CNOT9: variants seen among roughly 807,000 people sequenced by gnomAD.
The protein encoded by CNOT9 is RCD1 required for cell differentiation1 homolog.
A neutral mutation model predicts 37.4 loss-of-function variants in CNOT9; 8 were observed. That is an observed-to-expected ratio of 0.21 (90% CI 0.13 to 0.39). The LOEUF (loss-of-function observed/expected upper bound fraction) is 0.39, where lower values mean the gene tolerates loss of function less well. CNOT9 is among the 10% of genes least tolerant of loss of function. The pLI is 1.00. For synonymous variants in CNOT9, 120 were observed against 137.6 expected (o/e 0.87, Z 0.90); for missense variants, 154 against 365.3 (o/e 0.42, Z 4.71).
intron 1 of CNOT9, among the ~76,000 whole-genome samples, chr2:218,569,551 C>T (rs1352757547): frequency 2.0e-5 from 3 of 152,178 alleles, no homozygotes; most frequent in Admixed American, 6.5e-5. Flanking sequence ...ATTCAGCTAT[C>T]CGAAGTAATC....
chr2:218,580,116 C>G (rs1694321376), intron 1 of CNOT9, among the ~76,000 whole-genome samples: 1 of 151,852 alleles, frequency 6.6e-6, no homozygotes, highest in Non-Finnish European at 1.5e-5. Context: ...TTACAGGCGC[C>G]CATCACCACA....
intron 3 of CNOT9, 54 bp from the exon 4 acceptor site, chr2:218,584,558 A>G: frequency 1.5e-6 from 2 of 1,303,664 alleles, no homozygotes; most frequent in South Asian, 2.4e-5. Flanking sequence ...TTGAAAGTTC[A>G]GGATCCTTAG....
intron 4 of CNOT9, among the ~76,000 whole-genome samples, chr2:218,586,006 A>G (rs1361459148): frequency 6.6e-6 from 1 of 152,200 alleles, no homozygotes; most frequent in East Asian, 1.9e-4. Flanking sequence ...TAAATCTTTA[A>G]AAATATATGC....
intron 1 of CNOT9, among the ~76,000 whole-genome samples, chr2:218,578,608 C>T (rs1694253536): frequency 6.6e-6 from 1 of 152,112 alleles, no homozygotes; most frequent in Non-Finnish European, 1.5e-5. Context: ...GAGTTAATTC[C>T]TCTGAACATT....
chr2:218,579,823 T>C (rs1694308778), intron 1 of CNOT9, among the ~76,000 whole-genome samples: 1 of 147,980 alleles, frequency 6.8e-6, no homozygotes, highest in African/African-American at 2.5e-5. Flanking sequence ...TATTTATTTG[T>C]TTGTTTGTTT....
rs1046162470 is a variant in CNOT9, at chr2:218,594,876, T to C, written c.*600T>C. Reference sequence around the variant, plus strand: ...CTGCATAAGCTCAATAAAAAGTTGGTCTGGGCATTACATCCCCTCTGGCAG... The same window carrying C: ...CTGCATAAGCTCAATAAAAAGTTGGCCTGGGCATTACATCCCCTCTGGCAG... On this transcript the variant is annotated 3_prime_UTR_variant, in exon 8 of 8. Transcript: ENST00000273064. 6.6e-6 allele frequency: 1 copy of C among 152,318 alleles called. No homozygotes were observed. The highest frequency in any genetic ancestry group is 1.5e-5 in the Non-Finnish European group (1 of 68,148). 9.4% of individuals were successfully genotyped at this position (152,318 alleles called of 1,614,324 possible).
chr2:218,576,124 T>C (rs1008205308), intron 1 of CNOT9, among the ~76,000 whole-genome samples: 1 of 152,214 alleles, frequency 6.6e-6, no homozygotes, highest in Non-Finnish European at 1.5e-5. Flanking sequence ...GTACCCCTTC[T>C]TCTACTGCCC....
chr2:218,574,901 C>T (rs970241355), intron 1 of CNOT9, among the ~76,000 whole-genome samples: 16 of 151,810 alleles, frequency 1.1e-4, no homozygotes, highest in African/African-American at 3.4e-4. Context: ...TCTATTGAAG[C>T]GTACACTTAA....
At chr2:218,573,807 G>GT (rs1295290312) in intron 1 of CNOT9, 1 of 257,118 alleles carries the variant, frequency 3.9e-6, no homozygotes, top group African/African-American at 2.3e-5. Flanking sequence ...TACCTTATCT[G>GT]TATGTTAAGC....
At chr2:218,579,114 C>G (rs1694278135) in intron 1 of CNOT9, among the ~76,000 whole-genome samples, 1 of 152,026 alleles carries the variant, frequency 6.6e-6, no homozygotes, top group African/African-American at 2.4e-5. Context: ...ATTTTTTTTC[C>G]TCTCAAAAAC....
chr2:218,575,508 C>T (rs1389409550), intron 1 of CNOT9, among the ~76,000 whole-genome samples: 1 of 151,530 alleles, frequency 6.6e-6, no homozygotes, highest in East Asian at 1.9e-4. Context: ...CGGGTTCACG[C>T]CATTCTGCCT....
chr2:218,578,253 GTATTTCAGTC>G (rs1412102969), intron 1 of CNOT9, among the ~76,000 whole-genome samples: 4 of 152,196 alleles, frequency 2.6e-5, no homozygotes, highest in African/African-American at 9.6e-5. Context: ...AAGCTGCATT[GTATTTCAGTC>G]TATTTAGCAG....
At position 218,594,284 on chromosome 2, in the gene CNOT9, C is replaced by T; in HGVS notation, c.*8C>T. On this transcript the variant is annotated 3_prime_UTR_variant, in exon 8 of 8. Coordinates refer to ENST00000273064, the MANE Select transcript of CNOT9 (RefSeq NM_005444.3). ...CCCCTGCCCCCTCAGTGATCCTTCCCTGTTCCCTCCCACTACTCCCCCAAG... is the reference window on the plus strand; with the variant it reads ...CCCCTGCCCCCTCAGTGATCCTTCCTTGTTCCCTCCCACTACTCCCCCAAG... The T allele has an allele frequency of 1.3e-6, 2 of 1,599,114 alleles. No individual in the cohort carries two copies. The highest frequency in any genetic ancestry group is 1.7e-6 in the Non-Finnish European group (2 of 1,172,212).
chr2:218,587,028 A>G (rs923308091), intron 4 of CNOT9, among the ~76,000 whole-genome samples: 1 of 152,212 alleles, frequency 6.6e-6, no homozygotes, highest in Non-Finnish European at 1.5e-5. Flanking sequence ...GTAATACTGG[A>G]GAAAAGAAAG....
At chr2:218,588,588 CTTTTTTTTTT>C (rs1172484260) in intron 5 of CNOT9, among the ~76,000 whole-genome samples, 3 of 33,452 alleles carry the variant, frequency 9.0e-5, no homozygotes, top group South Asian at 2.1e-3. Context: ...TCCACCCGGC[CTTTTTTTTTT>C]TTTTTTTTTT....
At chr2:218,578,030 A>G (rs1015770149) in intron 1 of CNOT9, among the ~76,000 whole-genome samples, 9 of 152,230 alleles carry the variant, frequency 5.9e-5, no homozygotes, top group Non-Finnish European at 1.3e-4. Context: ...ATTTCCAAAA[A>G]TAGTTTTTAA....
At position 218,582,977 on chromosome 2, in the gene CNOT9, G is replaced by A. The variant is rs757833728; in HGVS notation, c.211G>A (p.Val71Ile). 17 of 1,590,566 alleles carry A rather than the reference G, an allele frequency of 1.1e-5. No individual in the cohort carries two copies. The highest frequency in any genetic ancestry group is 1.4e-5 in the Non-Finnish European group (16 of 1,163,412). Residue 71 changes from valine to isoleucine, a missense_variant, in exon 3 of 8, where the codon GTA becomes ATA. Physicochemically the swap from Val to Ile is conservative, Grantham distance 29 (BLOSUM62 3). Transcript: ENST00000273064. ...GCTGATTTCCATTTTTTAGGAAATT[G>A]TAAATATTTATCCATCTATCAACCC... ...GTIAALLQEI[V>I]NIYPSINPPT...
intron 2 of CNOT9, among the ~76,000 whole-genome samples, chr2:218,582,573 C>T (rs999545266): frequency 6.6e-6 from 1 of 152,086 alleles, no homozygotes; most frequent in Non-Finnish European, 1.5e-5. Context: ...GCCTGTAGTC[C>T]CAGCTACTCT....
Position 218,582,514 on chromosome 2 carries a change from CCCCA to C in CNOT9, c.205-456_205-453del, listed in dbSNP as rs1454439427. Among the ~76,000 whole-genome samples the C allele has an allele frequency of 4.6e-5, 7 of 152,132 alleles. No individual in the cohort carries two copies. The East Asian group carries it at 1.3e-3, about 29-fold the overall frequency. Reference sequence around the variant, plus strand: ...GACCATCCTGGCTAACACGGTGAAACCCCATCTCTACTAAAAATACAAAAAATTA... The same window carrying C: ...GACCATCCTGGCTAACACGGTGAAACTCTCTACTAAAAATACAAAAAATTA... On this transcript the variant is annotated intron_variant, in intron 2 of 7. Coordinates refer to ENST00000273064, the MANE Select transcript of CNOT9 (RefSeq NM_005444.3).
Sources: allele counts gnomAD v4.1 joint callset (sites outside exome capture counted in the v4.1 genomes callset), GRCh38; gene constraint gnomAD v4.1.1; transcripts MANE v1.5; gene names NCBI Gene and HGNC (gene_info 2026-07-23, HGNC 2026-07-21).